The following NRIP3 variants were observed in gnomAD, a reference collection of about 807,000 sequenced individuals.
The protein encoded by NRIP3 is nuclear receptor interacting protein 3, also known as nuclear receptor-interacting protein 3.
Under a neutral mutation model 29.0 loss-of-function variants are expected in NRIP3, and 31 were observed. That is an observed-to-expected ratio of 1.07 (90% confidence interval 0.80 to 1.44). NRIP3 has a LOEUF of 1.44. Ranked by LOEUF, NRIP3 falls within the 40% of genes most tolerant of loss-of-function variation. The pLI is 0.00. For missense variants in NRIP3, 314 were observed against 297.9 expected, an observed-to-expected ratio of 1.05 and a Z score of -0.40; for synonymous variants, 131 against 118.3, an observed-to-expected ratio of 1.11 and a Z score of -0.70.
chr11:9,000,392 C>A (rs577611046), intron 1 of NRIP3, among the ~76,000 whole-genome samples: 1 of 152,344 alleles, frequency 6.6e-6, no homozygotes, highest in South Asian at 2.1e-4. Context: ...GCACACCACA[C>A]AGACCTGCTC....
chr11:8,991,445 A>T (rs1854600184), intron 1 of NRIP3, among the ~76,000 whole-genome samples: 1 of 152,232 alleles, frequency 6.6e-6, no homozygotes, highest in African/African-American at 2.4e-5. Flanking sequence ...TTCTCTGGTC[A>T]TTTTATTATA....
At position 9,003,777 on chromosome 11, in the gene NRIP3, G is replaced by T; in HGVS notation, c.159C>A (p.Gly53=). 1 of 1,479,016 alleles carries T rather than the reference G, an allele frequency of 6.8e-7. No homozygotes were observed. The highest frequency in any genetic ancestry group is 1.3e-5 in the South Asian group (1 of 77,596). The allele number at this position is 1,479,016 out of a possible 1,614,324, so 91.6% of individuals were successfully genotyped here. A position where few individuals can be genotyped will look rare whatever the true frequency, so the allele number is the denominator to read the frequency against. ...GGGGGCTCACCATGTCCTTGGACGAGCCCAGCTTCTTGAGGCCGTCCAGGG... is the reference window on the plus strand; with the variant it reads ...GGGGGCTCACCATGTCCTTGGACGATCCCAGCTTCTTGAGGCCGTCCAGGG... ...LLPLDGLKKL[G]SSKDMQPHNI... is the part of the protein sequence containing the mutation. Residue 53 remains glycine (G), a synonymous_variant, in exon 1 of 7, where the codon GGC becomes GGA. Transcript: ENST00000309166.
rs1442227047 is a variant in NRIP3 at position 9,003,951 on chromosome 11, G to A, written c.-16C>T. ...AGTAAAACATCGCTGAGGCGCCGGC[G>A]GCCCGGTAGCCCACAGCCCCCCGGC... On this transcript the variant is annotated 5_prime_UTR_variant, in exon 1 of 7. Transcript: ENST00000309166. 2.7e-6 allele frequency: 4 copies of A among 1,479,100 alleles called. No homozygotes were observed. The South Asian group carries it at 3.8e-5, about 14-fold the overall frequency. The allele number at this position is 1,479,100 out of a possible 1,614,324, so 91.6% of individuals were successfully genotyped here. A position where few individuals can be genotyped will look rare whatever the true frequency, so the allele number is the denominator to read the frequency against.
rs1055932009 is a variant in NRIP3 at position 9,003,994 on chromosome 11, C to T, written c.-59G>A. 2 of 1,392,048 alleles carry T rather than the reference C, an allele frequency of 1.4e-6. No homozygotes were observed. The highest frequency in any genetic ancestry group is 1.5e-5 in the South Asian group (1 of 66,714). The allele number at this position is 1,392,048 out of a possible 1,614,324, so 86.2% of individuals were successfully genotyped here. On this transcript the variant is annotated 5_prime_UTR_variant, in exon 1 of 7. Coordinates refer to ENST00000309166, the MANE Select transcript of NRIP3 (RefSeq NM_020645.3). ...CCCCCGGCAGCCTCAGCCTCGAGCTCCTCCAGCGCCGCAAGGGCCCCGAGC... is the reference window on the plus strand; with the variant it reads ...CCCCCGGCAGCCTCAGCCTCGAGCTTCTCCAGCGCCGCAAGGGCCCCGAGC...
At position 8,988,124 on chromosome 11, in the gene NRIP3, A is replaced by G. The variant is rs760023158; in HGVS notation, c.333T>C (p.Ser111=). 9 of 1,613,914 alleles carry G rather than the reference A, an allele frequency of 5.6e-6. No individual in the cohort carries two copies. In the Admixed American group the frequency reaches 1.3e-4, roughly 24 times the overall value. The part of the protein sequence containing the change: ...KSEEDDMILV[S]CQCAGKDVKA... Reference sequence around the variant, plus strand: ...GCTGTTCTCAGAACATTACCTGGCAAGAAACCAAAATCATGTCATCCTCCT... The same window carrying G: ...GCTGTTCTCAGAACATTACCTGGCAGGAAACCAAAATCATGTCATCCTCCT... Residue 111 remains serine (S), a synonymous_variant, in exon 2 of 7, where the codon TCT becomes TCC. Coordinates refer to ENST00000309166, the MANE Select transcript of NRIP3 (RefSeq NM_020645.3).
At position 8,987,596 on chromosome 11, in the gene NRIP3, G is replaced by A. The variant is rs745765812; in HGVS notation, c.374C>T (p.Thr125Ile). ...AGAGATGAGATTATATAGGCAGCCT[G>A]TGTCAACCAAGGCTTTCACATCCTT... ...AGKDVKALVDTGCLYNLISLA... is the reference protein window; with the variant it reads ...AGKDVKALVDIGCLYNLISLA... The change falls in exon 3 of 7, where the codon ACA becomes ATA. Residue 125 changes from threonine (T) to isoleucine (I), a missense_variant. Coordinates refer to ENST00000309166, the MANE Select transcript of NRIP3 (RefSeq NM_020645.3). 2 of 1,614,094 alleles carry A rather than the reference G, an allele frequency of 1.2e-6. No homozygotes were observed. The highest frequency in any genetic ancestry group is 2.2e-5 in the South Asian group (2 of 91,078).
At chr11:8,990,472 G>A (rs1037283082) in intron 1 of NRIP3, among the ~76,000 whole-genome samples, 3 of 151,986 alleles carry the variant, frequency 2.0e-5, no homozygotes, top group Admixed American at 6.6e-5. Flanking sequence ...AAATACTTAA[G>A]TATCACTGAA....
At position 9,003,926 on chromosome 11, in the gene NRIP3, A is replaced by C. The variant is rs1362691308; in HGVS notation, c.10T>G (p.Ser4Ala). ...CGGCCGCCCTCAGTGAGGAGCCCTG[A>C]GTAAAACATCGCTGAGGCGCCGGCG... MFY[S>A]GLLTEGGRKE... Residue 4 changes from serine (S) to alanine (A), a missense_variant, in exon 1 of 7, where the codon TCA (serine) becomes GCA (alanine). By Grantham distance (99) the Ser-to-Ala change is moderately conservative. Transcript: ENST00000309166. 2.0e-6 allele frequency: 3 copies of C among 1,499,298 alleles called. No homozygotes were observed. Among genetic ancestry groups the C allele is most frequent in the Non-Finnish European group, 1.8e-6 (2 of 1,123,464 alleles). 92.9% of individuals were successfully genotyped at this position (1,499,298 alleles called of 1,614,324 possible).
At chr11:8,984,959 C>T (rs1358273344) in intron 4 of NRIP3, among the ~76,000 whole-genome samples, 1 of 151,460 alleles carries the variant, frequency 6.6e-6, no homozygotes, top group Admixed American at 6.6e-5. Context: ...CCAAGCGATT[C>T]TCCTACCTCA....
At chr11:8,993,691 C>T (rs1854649003) in intron 1 of NRIP3, among the ~76,000 whole-genome samples, 3 of 151,560 alleles carry the variant, frequency 2.0e-5, no homozygotes, top group African/African-American at 7.3e-5. Flanking sequence ...CGCCTGTAGC[C>T]CCAGCTACCT....
rs1479905224 is a variant in NRIP3, at chr11:9,002,402, T to C, written c.174+1360A>G. Among the ~76,000 whole-genome samples, 5 of 151,926 alleles carry C rather than the reference T, an allele frequency of 3.3e-5. No individual in the cohort carries two copies. In the South Asian group the frequency reaches 1.0e-3, roughly 32 times the overall value. ...TCACTCTGGGTTAGCATAAATCAGA[T>C]AAACTATCCTGTGGGTTGTGCAAAA... On this transcript the variant is annotated intron_variant, in intron 1 of 6. Coordinates refer to ENST00000309166, the MANE Select transcript of NRIP3 (RefSeq NM_020645.3).
intron 1 of NRIP3, among the ~76,000 whole-genome samples, chr11:8,996,054 C>A (rs1275780844): frequency 6.6e-6 from 1 of 152,170 alleles, no homozygotes; most frequent in African/African-American, 2.4e-5. Context: ...AGGTAGGTCA[C>A]CTTTTTAGTT....
Position 8,983,916 on chromosome 11 carries a change from T to C in NRIP3, c.669A>G (p.Glu223=). 6.2e-7 allele frequency: 1 copy of C among 1,614,238 alleles called. No individual in the cohort carries two copies. The highest frequency in any genetic ancestry group is 1.3e-5 in the African/African-American group (1 of 75,062). ...HRLIMGKTDK[E]EIPFVETVSL... ...AGACTGTCTCCACAAAAGGGATTTCTTCCTTGTCTGTCTTCCCCATGATCA... is the reference window on the plus strand; with the variant it reads ...AGACTGTCTCCACAAAAGGGATTTCCTCCTTGTCTGTCTTCCCCATGATCA... The change falls in exon 6 of 7, where the codon GAA becomes GAG. Residue 223 remains glutamate, a synonymous_variant. Coordinates refer to ENST00000309166, the MANE Select transcript of NRIP3 (RefSeq NM_020645.3).
intron 1 of NRIP3, among the ~76,000 whole-genome samples, chr11:8,996,504 C>A (rs932217509): frequency 1.3e-5 from 2 of 152,092 alleles, no homozygotes; most frequent in African/African-American, 4.8e-5. Context: ...TGGTCTCAAA[C>A]TCCTGACCTC....
At position 8,982,829 on chromosome 11, in the gene NRIP3, CTTTTTT is replaced by C; in HGVS notation, c.*710_*715del. The C allele has an allele frequency of 3.5e-6, 1 of 285,896 alleles. No homozygotes were observed. The highest frequency in any genetic ancestry group is 6.8e-6 in the Non-Finnish European group (1 of 147,386). The allele number at this position is 285,896 out of a possible 1,614,324, so 17.7% of individuals were successfully genotyped here. ...AGAGAATATTCCTCCCATGCTCTGC[CTTTTTT>C]TTTTTTTTTTTAACACATTCTCACC... On this transcript the variant is annotated 3_prime_UTR_variant, in exon 7 of 7. Coordinates refer to ENST00000309166, the MANE Select transcript of NRIP3 (RefSeq NM_020645.3).
In NRIP3 at chr11:8,983,443, G is replaced by A; in HGVS notation, c.*102C>T. The A allele has an allele frequency of 9.3e-7, 1 of 1,077,394 alleles. No homozygotes were observed. The highest frequency in any genetic ancestry group is 1.4e-6 in the Non-Finnish European group (1 of 721,690). The allele number at this position is 1,077,394 out of a possible 1,614,324, so 66.7% of individuals were successfully genotyped here. A position where few individuals can be genotyped will look rare whatever the true frequency, so the allele number is the denominator to read the frequency against. On this transcript the variant is annotated 3_prime_UTR_variant, in exon 7 of 7. Transcript: ENST00000309166. Reference sequence around the variant, plus strand: ...AGCTTCTATTAGATGGAAGGACTTGGTCCACAGCAAGTCACTACGGCATTT... The same window carrying A: ...AGCTTCTATTAGATGGAAGGACTTGATCCACAGCAAGTCACTACGGCATTT...
intron 4 of NRIP3, 63 bp from the exon 5 acceptor site, chr11:8,984,187 A>C: frequency 9.5e-7 from 1 of 1,047,484 alleles, no homozygotes; most frequent in South Asian, 1.3e-5. Context: ...AAGTTGGCCT[A>C]ATCACTATTA....
At position 8,998,815 on chromosome 11, in the gene NRIP3, A is replaced by G. The variant is rs544906926; in HGVS notation, c.174+4947T>C. Among the ~76,000 whole-genome samples the G allele has an allele frequency of 1.4e-3, 136 of 94,548 alleles. 2 individuals are homozygous for G. Among genetic ancestry groups the G allele is most frequent in the African/African-American group, 5.9e-3 (127 of 21,640 alleles). The allele number at this position is 94,548 out of a possible 152,430, so 62.0% of individuals were successfully genotyped here. On this transcript the variant is annotated intron_variant, in intron 1 of 6. Coordinates refer to ENST00000309166, the MANE Select transcript of NRIP3 (RefSeq NM_020645.3). ...TTTTTTTTTTTTTTTTTTTTTTGAGACAGAGTCTCGCTCTGTCGTCCAGGC... is the reference window on the plus strand; with the variant it reads ...TTTTTTTTTTTTTTTTTTTTTTGAGGCAGAGTCTCGCTCTGTCGTCCAGGC...
rs1359884840 is a variant in NRIP3, at chr11:8,983,372, G to A, written c.*173C>T. ...GGCCATAACCAGACAAGATCTCTAA[G>A]CATAGACTATAGTCTAGAGAGGTCT... is the stretch of plus-strand genomic sequence containing the variant. On this transcript the variant is annotated 3_prime_UTR_variant, in exon 7 of 7. Transcript: ENST00000309166. The A allele has an allele frequency of 4.9e-6, 3 of 615,962 alleles. No individual in the cohort carries two copies. The highest frequency in any genetic ancestry group is 6.5e-5 in the Admixed American group (2 of 30,950). The allele number at this position is 615,962 out of a possible 1,614,324, so 38.2% of individuals were successfully genotyped here.
Sources: gnomAD v4.1 joint callset for allele counts (sites outside exome capture counted in the v4.1 genomes callset) on GRCh38, gnomAD v4.1.1 for gene constraint, MANE v1.5 for transcripts, NCBI Gene and HGNC (gene_info 2026-07-23, HGNC 2026-07-21) for gene names.